Variants in SUFU observed in about 807,000 individuals in gnomAD.
SUFU encodes the protein suppressor of fused homolog.
Under a neutral mutation model 58.9 loss-of-function variants are expected in SUFU, and 7 were observed. The observed-to-expected ratio is 0.12, with a 90% CI of 0.07 to 0.22. The LOEUF is 0.22. SUFU is among the 10% of genes least tolerant of loss of function. The pLI, the probability that SUFU is intolerant of heterozygous loss-of-function variation, is 1.00. For synonymous variants in SUFU, 232 were observed against 254.8 expected, an observed-to-expected ratio of 0.91 and a Z score of 0.85; for missense variants, 451 against 641.3, an observed-to-expected ratio of 0.70 and a Z score of 3.20.
rs2063827579 is a variant in SUFU at position 102,630,396 on chromosome 10, G to A, written c.*241G>A. 7.1e-6 allele frequency: 4 copies of A among 562,714 alleles called. No individual in the cohort carries two copies. Among genetic ancestry groups the A allele is most frequent in the Admixed American group, 6.0e-5 (2 of 33,390 alleles). 34.9% of individuals were successfully genotyped at this position (562,714 alleles called of 1,614,324 possible). ...CTTGTGACCCATCAGGCCAGTGAGTGGGCAAATGCGGACCCTCCCTGCCTG... is the reference window on the plus strand; with the variant it reads ...CTTGTGACCCATCAGGCCAGTGAGTAGGCAAATGCGGACCCTCCCTGCCTG... On this transcript the variant is annotated 3_prime_UTR_variant, in exon 12 of 12. Coordinates refer to ENST00000369902, the MANE Select transcript of SUFU (RefSeq NM_016169.4).
chr10:102,630,056 C>T lies in SUFU; in HGVS notation c.1366-10C>T, dbSNP rs1438517920. On this transcript the variant is annotated splice_polypyrimidine_tract_variant and intron_variant, in intron 11 of 11. Transcript: ENST00000369902. Reference sequence around the variant, plus strand: ...CTCACACTCCTGGTCTGTGCTTGCTCCCTCCACAGTTCAAACTTCCCAAAG... The same window carrying T: ...CTCACACTCCTGGTCTGTGCTTGCTTCCTCCACAGTTCAAACTTCCCAAAG... 6.2e-7 allele frequency: 1 copy of T among 1,613,496 alleles called. No individual in the cohort carries two copies. Among genetic ancestry groups the T allele is most frequent in the African/African-American group, 1.3e-5 (1 of 75,020 alleles).
rs551166771 is a variant in SUFU at position 102,579,578 on chromosome 10, G to A, written c.455-13004G>A. ...TCTGGAGAAAATGCATAGGGAAGCA[G>A]TTTTGAGTCTCCTTTGGCTAGCTGT... On this transcript the variant is annotated intron_variant, in intron 3 of 11. Coordinates refer to ENST00000369902, the MANE Select transcript of SUFU (RefSeq NM_016169.4). 1.1e-4 allele frequency among the ~76,000 whole-genome samples: 16 copies of A among 152,336 alleles called. No individual in the cohort carries two copies. The South Asian group carries it at 1.7e-3, about 16-fold the overall frequency.
chr10:102,535,930 AGAT>A (rs36203045), intron 2 of SUFU, among the ~76,000 whole-genome samples: 7,165 of 148,792 alleles, frequency 0.048, 488 homozygotes, highest in African/African-American at 0.16. Flanking sequence ...TCTAGGCTGG[AGAT>A]GATGATGATG....
chr10:102,579,337 A>C (rs892050318), intron 3 of SUFU, among the ~76,000 whole-genome samples: 4 of 152,192 alleles, frequency 2.6e-5, no homozygotes, highest in African/African-American at 9.6e-5. Context: ...AAACTGCATC[A>C]GTCCAGTTCT....
At chr10:102,510,868 C>G (rs1221575782) in intron 2 of SUFU, among the ~76,000 whole-genome samples, 1 of 151,376 alleles carries the variant, frequency 6.6e-6, no homozygotes. Flanking sequence ...CGCCTATAAT[C>G]CCAGCACTTT....
At chr10:102,606,485 G>A (rs2063563876) in intron 8 of SUFU, among the ~76,000 whole-genome samples, 1 of 152,154 alleles carries the variant, frequency 6.6e-6, no homozygotes, top group African/African-American at 2.4e-5. Flanking sequence ...CTGAGACTTA[G>A]CCAGGTTGTA....
At position 102,510,757 on chromosome 10, in the gene SUFU, A is replaced by C. The variant is rs11191309; in HGVS notation, c.317+1454A>C. On this transcript the variant is annotated intron_variant, in intron 2 of 11. Coordinates refer to ENST00000369902, the MANE Select transcript of SUFU (RefSeq NM_016169.4). ...AGAATCACTTGAACCTGGGAGGCAG[A>C]GGTTGCAGTGAGCTGAGATCGTGCC... Among the ~76,000 whole-genome samples the C allele has an allele frequency of 8.5e-3, 1,299 of 152,194 alleles. 9 individuals carry two copies. Among genetic ancestry groups the C allele is most frequent in the Non-Finnish European group, 0.015 (1,012 of 67,988 alleles).
At chr10:102,615,172 G>T (rs2063671731) in intron 8 of SUFU, 96 bp from the exon 9 acceptor site, 1 of 1,556,764 alleles carries the variant, frequency 6.4e-7, no homozygotes. Context: ...CACCATTATT[G>T]TCTTTATTAC....
At chr10:102,511,439 T>TG (rs1352485513) in intron 2 of SUFU, among the ~76,000 whole-genome samples, 3 of 152,182 alleles carry the variant, frequency 2.0e-5, no homozygotes, top group African/African-American at 7.2e-5. Context: ...GTAGCAGGAC[T>TG]CGTCCTGTCC....
chr10:102,590,741 G>A (rs1033196029), intron 3 of SUFU: 2 of 152,162 alleles, frequency 1.3e-5, no homozygotes, highest in Admixed American at 1.3e-4. Flanking sequence ...TGTTTGTATT[G>A]TGTATGTTGT....
At chr10:102,534,199 C>T (rs991323464) in intron 2 of SUFU, among the ~76,000 whole-genome samples, 5 of 152,100 alleles carry the variant, frequency 3.3e-5, no homozygotes, top group South Asian at 2.1e-4. Context: ...GAGGCTGAGG[C>T]GGGTGGATCA....
rs2063850201 is a variant in SUFU, at chr10:102,632,940, C to G, written c.*2785C>G. ...TCAGGCCTGTGTGGGGAGCTGGTGC[C>G]TCTTCCTGCCCGTATCTTTCTCTTC... On this transcript the variant is annotated 3_prime_UTR_variant, in exon 12 of 12. Transcript: ENST00000369902. 1 of 233,406 alleles carries G rather than the reference C, an allele frequency of 4.3e-6. No individual in the cohort carries two copies. Among genetic ancestry groups the G allele is most frequent in the South Asian group, 1.8e-4 (1 of 5,538 alleles). The allele number at this position is 233,406 out of a possible 1,614,324, so 14.5% of individuals were successfully genotyped here.
chr10:102,551,278 G>A (rs956470819), intron 3 of SUFU, among the ~76,000 whole-genome samples: 1 of 152,120 alleles, frequency 6.6e-6, no homozygotes, highest in South Asian at 2.1e-4. Flanking sequence ...CAACCTCTTC[G>A]AGGAGCTTGT....
At chr10:102,549,528 C>A (rs1198570636) in intron 2 of SUFU, among the ~76,000 whole-genome samples, 1 of 152,192 alleles carries the variant, frequency 6.6e-6, no homozygotes, top group African/African-American at 2.4e-5. Context: ...GGACACAGAG[C>A]CAAACCATAT....
intron 3 of SUFU, among the ~76,000 whole-genome samples, chr10:102,584,407 C>T (rs571773647): frequency 2.0e-4 from 31 of 152,100 alleles, no homozygotes; most frequent in African/African-American, 7.5e-4. Context: ...GTTTTGAACT[C>T]CTGGGCTCAA....
chr10:102,540,828 C>T (rs1436973461), intron 2 of SUFU, among the ~76,000 whole-genome samples: 1 of 151,702 alleles, frequency 6.6e-6, no homozygotes, highest in Non-Finnish European at 1.5e-5. Context: ...TCGAGACCAG[C>T]CTGGCCAACA....
chr10:102,607,557 G>A (rs1211568731), intron 8 of SUFU, among the ~76,000 whole-genome samples: 2 of 152,202 alleles, frequency 1.3e-5, no homozygotes, highest in African/African-American at 2.4e-5. Flanking sequence ...AAGGTGGGAA[G>A]GTGCATGGAA....
At chr10:102,556,736 CA>C (rs763209229) in intron 3 of SUFU, among the ~76,000 whole-genome samples, 64 of 61,622 alleles carry the variant, frequency 1.0e-3, no homozygotes, top group Non-Finnish European at 1.2e-3. Flanking sequence ...GAGTGAGACT[CA>C]AAAAAAAAAA....
intron 8 of SUFU, among the ~76,000 whole-genome samples, chr10:102,613,097 C>T (rs913773803): frequency 5.3e-5 from 8 of 152,068 alleles, no homozygotes; most frequent in South Asian, 2.1e-4. Flanking sequence ...GAGAGTTGGT[C>T]GGAAGTCTGA....
Sources: gnomAD v4.1 joint callset for allele counts (sites outside exome capture counted in the v4.1 genomes callset) on GRCh38, gnomAD v4.1.1 for gene constraint, MANE v1.5 for transcripts, NCBI Gene and HGNC (gene_info 2026-07-23, HGNC 2026-07-21) for gene names.